Variants in SGCZ observed in about 807,000 individuals in gnomAD.
SGCZ encodes zeta-sarcoglycan.
SGCZ carries 40 observed loss-of-function variants against 41.3 expected under a neutral mutation model. The observed-to-expected ratio is 0.97, with a 90% CI of 0.75 to 1.26. The LOEUF is 1.26. Among genes scored for constraint, SGCZ ranks in the 50% most tolerant of loss-of-function variants. The probability of loss-of-function intolerance (pLI) is 0.00; values close to 1 mark genes in which losing one functional copy is unlikely to be tolerated. For synonymous variants in SGCZ, 206 were observed against 137.5 expected, an observed-to-expected ratio of 1.50 and a Z score of -3.49; for missense variants, 552 against 369.8, an observed-to-expected ratio of 1.49 and a Z score of -4.04.
chr8:15,222,759 GTGTGTGTGTGT>G (rs1801645562), intron 1 of SGCZ, among the ~76,000 whole-genome samples: 1 of 151,800 alleles, frequency 6.6e-6, no homozygotes, highest in East Asian at 1.9e-4. Flanking sequence ...AACACAGAGT[GTGTGTGTGTGT>G]CTGTGTGTGT....
At chr8:14,100,573 T>C (rs1801987212) in intron 7 of SGCZ, among the ~76,000 whole-genome samples, 1 of 129,016 alleles carries the variant, frequency 7.8e-6, no homozygotes, top group African/African-American at 2.8e-5. Context: ...TATATTAATA[T>C]ATTTTCAAAT....
At chr8:14,311,348 C>G (rs1801536331) in intron 3 of SGCZ, among the ~76,000 whole-genome samples, 1 of 152,036 alleles carries the variant, frequency 6.6e-6, no homozygotes, top group Non-Finnish European at 1.5e-5. Flanking sequence ...AAACATAGAA[C>G]AATATCATTC....
chr8:14,628,413 C>T (rs1806534912), intron 1 of SGCZ, among the ~76,000 whole-genome samples: 1 of 151,972 alleles, frequency 6.6e-6, no homozygotes, highest in African/African-American at 2.4e-5. Context: ...AAACTCACAA[C>T]AAAACTCACA....
chr8:15,136,079 G>T (rs1808094802), intron 1 of SGCZ, among the ~76,000 whole-genome samples: 1 of 152,004 alleles, frequency 6.6e-6, no homozygotes. Flanking sequence ...GGACACTGGT[G>T]GGCATGGCTT....
At chr8:14,703,990 G>C (rs77412720) in intron 1 of SGCZ, among the ~76,000 whole-genome samples, 7,992 of 152,034 alleles carry the variant, frequency 0.053, 703 homozygotes, top group African/African-American at 0.18. Flanking sequence ...TAATAATTGT[G>C]ATTCTTTCTC....
chr8:14,212,867 TA>T (rs2117099810), intron 4 of SGCZ, among the ~76,000 whole-genome samples: 1 of 152,172 alleles, frequency 6.6e-6, no homozygotes, highest in African/African-American at 2.4e-5. Context: ...AAATAGAGTT[TA>T]TTTAAAAATA....
rs1430783062 is a variant in SGCZ at position 14,098,658 on chromosome 8, A to C, written c.744+3718T>G. 2.0e-5 allele frequency among the ~76,000 whole-genome samples: 3 copies of C among 152,178 alleles called. No individual in the cohort carries two copies. The East Asian group carries it at 5.8e-4, about 29-fold the overall frequency. On this transcript the variant is annotated intron_variant, in intron 7 of 7. Transcript: ENST00000382080. Reference sequence around the variant, plus strand: ...CAGGCTGGGAGTTGAGTTCACCTTGAAGAAATATTAAAAGCTGGTGTTTTG... The same window carrying C: ...CAGGCTGGGAGTTGAGTTCACCTTGCAGAAATATTAAAAGCTGGTGTTTTG...
At chr8:14,396,750 T>C (rs1192260703) in intron 2 of SGCZ, among the ~76,000 whole-genome samples, 1 of 152,050 alleles carries the variant, frequency 6.6e-6, no homozygotes, top group Non-Finnish European at 1.5e-5. Context: ...CTCAGATGAA[T>C]AGAGTTACGA....
chr8:15,138,685 G>C (rs1175706110), intron 1 of SGCZ, among the ~76,000 whole-genome samples: 1 of 152,140 alleles, frequency 6.6e-6, no homozygotes, highest in East Asian at 1.9e-4. Flanking sequence ...ATGATTGTAA[G>C]TTTCCTGAAG....
At chr8:14,717,016 T>C (rs1262204412) in intron 1 of SGCZ, among the ~76,000 whole-genome samples, 2 of 152,122 alleles carry the variant, frequency 1.3e-5, no homozygotes, top group African/African-American at 2.4e-5. Flanking sequence ...AGGTATGTAG[T>C]AAAATCCACT....
chr8:14,372,600 T>G (rs1224236974), intron 2 of SGCZ, among the ~76,000 whole-genome samples: 2 of 152,104 alleles, frequency 1.3e-5, no homozygotes, highest in African/African-American at 2.4e-5. Context: ...TAAGCAGATT[T>G]GTAGGAGCAG....
chr8:15,139,750 C>A (rs1808252727), intron 1 of SGCZ, among the ~76,000 whole-genome samples: 1 of 152,038 alleles, frequency 6.6e-6, no homozygotes, highest in Non-Finnish European at 1.5e-5. Context: ...ACTTCAGGTC[C>A]TCAGACCTAC....
At chr8:14,916,097 C>A (rs1275488984) in intron 1 of SGCZ, among the ~76,000 whole-genome samples, 1 of 152,074 alleles carries the variant, frequency 6.6e-6, no homozygotes, top group Non-Finnish European at 1.5e-5. Context: ...ACAGTAGTAC[C>A]ACCTATATAA....
chr8:14,239,495 T>C (rs2117173447), intron 3 of SGCZ, among the ~76,000 whole-genome samples: 1 of 152,286 alleles, frequency 6.6e-6, no homozygotes, highest in Admixed American at 6.5e-5. Flanking sequence ...GTTTAGAGTT[T>C]TAAAATATAT....
chr8:14,477,848 A>G (rs1485990357), intron 2 of SGCZ, among the ~76,000 whole-genome samples: 4 of 152,182 alleles, frequency 2.6e-5, no homozygotes, highest in Admixed American at 6.5e-5. Context: ...TCACCAACTT[A>G]ATATCACTCC....
intron 1 of SGCZ, among the ~76,000 whole-genome samples, chr8:14,671,612 A>C (rs745382136): frequency 7.9e-5 from 12 of 152,172 alleles, no homozygotes; most frequent in Non-Finnish European, 1.6e-4. Context: ...TAGAAAGAAT[A>C]TGATTAAGAA....
At chr8:14,593,916 T>G (rs1043300297) in intron 1 of SGCZ, among the ~76,000 whole-genome samples, 6 of 152,158 alleles carry the variant, frequency 3.9e-5, no homozygotes, top group African/African-American at 9.6e-5. Context: ...GGCTCATGCC[T>G]ATAATCCCCG....
intron 2 of SGCZ, among the ~76,000 whole-genome samples, chr8:14,495,419 C>T (rs1801960948): frequency 6.6e-6 from 1 of 152,130 alleles, no homozygotes; most frequent in South Asian, 2.1e-4. Context: ...ACGGACCAAA[C>T]ACTAAGCCCC....
intron 1 of SGCZ, among the ~76,000 whole-genome samples, chr8:14,913,375 G>C (rs1257248161): frequency 3.9e-5 from 6 of 152,032 alleles, no homozygotes; most frequent in Non-Finnish European, 7.4e-5. Context: ...TGGTCTTAGA[G>C]AGTCAAGTTA....
Sources: allele counts gnomAD v4.1 joint callset (sites outside exome capture counted in the v4.1 genomes callset), GRCh38; gene constraint gnomAD v4.1.1; transcripts MANE v1.5; gene names NCBI Gene and HGNC (gene_info 2026-07-23, HGNC 2026-07-21).